Variants in KCTD16 observed in about 807,000 individuals in gnomAD.
KCTD16 encodes potassium channel tetramerization domain containing 16.
KCTD16 carries 13 observed loss-of-function variants against 33.2 expected under a neutral mutation model. That is an observed-to-expected ratio of 0.39 (90% CI 0.25 to 0.62). The LOEUF is 0.62. Ranked by LOEUF, KCTD16 falls within the 20% of genes least tolerant of loss-of-function variation. The pLI, the probability that KCTD16 is intolerant of heterozygous loss-of-function variation, is 0.50. For synonymous variants in KCTD16, 197 were observed against 195.3 expected (o/e 1.01, Z -0.07); for missense variants, 441 against 525.1 (o/e 0.84, Z 1.57).
At chr5:144,231,351 G>A (rs1754097506) in intron 3 of KCTD16, among the ~76,000 whole-genome samples, 1 of 151,970 alleles carries the variant, frequency 6.6e-6, no homozygotes, top group East Asian at 1.9e-4. Context: ...CTAAGCACTT[G>A]GGATTCAGGG....
chr5:144,212,112 CG>C (rs930840786), intron 3 of KCTD16, among the ~76,000 whole-genome samples: 7 of 152,036 alleles, frequency 4.6e-5, no homozygotes, highest in African/African-American at 1.5e-4. Context: ...AAAAACAAAC[CG>C]CAGTTTAAGT....
chr5:144,421,216 T>A (rs1753200791), intron 3 of KCTD16, among the ~76,000 whole-genome samples: 2 of 152,126 alleles, frequency 1.3e-5, no homozygotes, highest in African/African-American at 4.8e-5. Context: ...CTCAAAATCA[T>A]ACCAGACAAA....
intron 3 of KCTD16, among the ~76,000 whole-genome samples, chr5:144,209,898 GTA>G (rs1291913148): frequency 1.4e-5 from 2 of 140,728 alleles, no homozygotes; most frequent in South Asian, 2.2e-4. Context: ...ATATGTGTGT[GTA>G]TATATATGTA....
At chr5:144,333,767 C>T (rs537310353) in intron 3 of KCTD16, among the ~76,000 whole-genome samples, 1 of 152,186 alleles carries the variant, frequency 6.6e-6, no homozygotes, top group Non-Finnish European at 1.5e-5. Flanking sequence ...GATTTTCATG[C>T]CGCTGCTTAC....
intron 3 of KCTD16, among the ~76,000 whole-genome samples, chr5:144,374,999 T>A (rs1752052332): frequency 6.6e-6 from 1 of 152,208 alleles, no homozygotes; most frequent in Admixed American, 6.5e-5. Context: ...CCAGCAATTA[T>A]GCATTTATTG....
chr5:144,445,342 C>G (rs750962582), intron 3 of KCTD16, among the ~76,000 whole-genome samples: 1 of 151,992 alleles, frequency 6.6e-6, no homozygotes, highest in Non-Finnish European at 1.5e-5. Flanking sequence ...TGTTTTGTAT[C>G]AATTCTGGAT....
chr5:144,392,540 CG>C (rs1489705993), intron 3 of KCTD16, among the ~76,000 whole-genome samples: 1 of 152,144 alleles, frequency 6.6e-6, no homozygotes, highest in Non-Finnish European at 1.5e-5. Context: ...TGTGAAAACA[CG>C]TAGACCAGCT....
intron 3 of KCTD16, among the ~76,000 whole-genome samples, chr5:144,443,551 A>T (rs1753758198): frequency 6.6e-6 from 1 of 152,066 alleles, no homozygotes; most frequent in Non-Finnish European, 1.5e-5. Context: ...TATAGTATAT[A>T]TAAGAAAGGT....
At chr5:144,419,164 C>T (rs551929292) in intron 3 of KCTD16, among the ~76,000 whole-genome samples, 1 of 152,126 alleles carries the variant, frequency 6.6e-6, no homozygotes, top group Non-Finnish European at 1.5e-5. Context: ...ACACATATTT[C>T]TTGCTCAGTT....
At chr5:144,328,285 A>G (rs577135095) in intron 3 of KCTD16, among the ~76,000 whole-genome samples, 16 of 152,312 alleles carry the variant, frequency 1.1e-4, no homozygotes, top group African/African-American at 3.6e-4. Flanking sequence ...GACAAGTTTG[A>G]CAATTCATGG....
At chr5:144,315,323 C>T (rs1038016014) in intron 3 of KCTD16, among the ~76,000 whole-genome samples, 3 of 152,118 alleles carry the variant, frequency 2.0e-5, no homozygotes, top group African/African-American at 7.2e-5. Context: ...ACTTTTCTAT[C>T]GTTTCTTCTT....
chr5:144,331,575 T>C (rs1752359347), intron 3 of KCTD16, among the ~76,000 whole-genome samples: 1 of 152,244 alleles, frequency 6.6e-6, no homozygotes, highest in African/African-American at 2.4e-5. Context: ...ATGTGAAGCA[T>C]AGTTATGGAT....
intron 3 of KCTD16, among the ~76,000 whole-genome samples, chr5:144,239,030 A>G (rs1312469865): frequency 2.0e-5 from 3 of 152,142 alleles, no homozygotes; most frequent in Admixed American, 2.0e-4. Flanking sequence ...GAGAAAACTC[A>G]ATAAATGGTT....
chr5:144,190,094 A>G (rs1242345910), intron 2 of KCTD16, among the ~76,000 whole-genome samples: 1 of 152,148 alleles, frequency 6.6e-6, no homozygotes, highest in Non-Finnish European at 1.5e-5. Context: ...CCCCACCCGC[A>G]GCCAGGCACT....
At chr5:144,300,498 C>G (rs951855115) in intron 3 of KCTD16, among the ~76,000 whole-genome samples, 3 of 152,156 alleles carry the variant, frequency 2.0e-5, no homozygotes, top group Admixed American at 6.5e-5. Flanking sequence ...TATCTTGTAG[C>G]TCACAGGGTA....
intron 3 of KCTD16, among the ~76,000 whole-genome samples, chr5:144,221,968 G>A (rs985902726): frequency 7.2e-5 from 11 of 152,164 alleles, no homozygotes; most frequent in South Asian, 2.1e-4. Context: ...TCTAACTGGC[G>A]TGAGATGGTA....
intron 3 of KCTD16, among the ~76,000 whole-genome samples, chr5:144,308,444 G>C (rs955227881): frequency 6.6e-6 from 1 of 151,210 alleles, no homozygotes; most frequent in African/African-American, 2.5e-5. Flanking sequence ...CGCCTGAGGC[G>C]GGTGGGCAGG....
Position 144,473,682 on chromosome 5 carries a change from C to A in KCTD16, c.855C>A (p.Pro285=). The change falls in exon 4 of 4, where the codon CCC becomes CCA. Residue 285 remains proline (P), a synonymous_variant. Transcript: ENST00000512467. ...CAGGTGAGCCTTCCAGATGGTCACC[C>A]TCACACTGCGATTGCTGCTGCAAGA... is the stretch of plus-strand genomic sequence containing the variant. ...VFYREPSRWS[P]SHCDCCCKNG... is the part of the protein sequence containing the mutation. 1.9e-6 allele frequency: 3 copies of A among 1,605,816 alleles called. No individual in the cohort carries two copies. Among genetic ancestry groups the A allele is most frequent in the Non-Finnish European group, 2.6e-6 (3 of 1,173,710 alleles).
intron 2 of KCTD16, among the ~76,000 whole-genome samples, chr5:144,188,437 G>A (rs959007518): frequency 2.0e-5 from 3 of 152,160 alleles, no homozygotes; most frequent in South Asian, 2.1e-4. Context: ...ACATCTGGTG[G>A]TAAGCTTTCT....
Sources: gnomAD v4.1 joint callset for allele counts (sites outside exome capture counted in the v4.1 genomes callset) on GRCh38, gnomAD v4.1.1 for gene constraint, MANE v1.5 for transcripts, NCBI Gene and HGNC (gene_info 2026-07-23, HGNC 2026-07-21) for gene names.